The following SRPK1 variants were observed in gnomAD, a reference collection of about 807,000 sequenced individuals.
SRPK1 encodes the protein SRSF protein kinase 1.
A neutral mutation model predicts 89.5 loss-of-function variants in SRPK1; 52 were observed. The ratio of observed to expected loss-of-function variants is 0.58; its 90% CI spans 0.46 to 0.73. The LOEUF (loss-of-function observed/expected upper bound fraction) is 0.73, where lower values mean the gene tolerates loss of function less well. SRPK1 is among the 30% of genes least tolerant of loss of function. The probability of loss-of-function intolerance (pLI) is 0.00; values close to 1 mark genes in which losing one functional copy is unlikely to be tolerated. For synonymous variants in SRPK1, 255 were observed against 270.2 expected (o/e 0.94, Z 0.55); for missense variants, 603 against 780.6 (o/e 0.77, Z 2.71).
intron 6 of SRPK1, among the ~76,000 whole-genome samples, chr6:35,882,368 G>A (rs1036430318): frequency 1.3e-5 from 2 of 151,894 alleles, no homozygotes; most frequent in African/African-American, 4.8e-5. Flanking sequence ...CCACACTGGA[G>A]TACAGTGGCA....
Position 35,833,964 on chromosome 6 carries a change from C to T in SRPK1, c.*1340G>A, listed in dbSNP as rs1769118641. On this transcript the variant is annotated 3_prime_UTR_variant, in exon 16 of 16. Coordinates refer to ENST00000373825, the MANE Select transcript of SRPK1 (RefSeq NM_003137.5). ...CTCTTTTGCTCTTCAGTATTACTTA[C>T]TGGAGGAATATGTAATATTCTAGGT... 1 of 146,254 alleles carries T rather than the reference C, an allele frequency of 6.8e-6. No homozygotes were observed. The highest frequency in any genetic ancestry group is 2.5e-5 in the African/African-American group (1 of 39,284). The allele number at this position is 146,254 out of a possible 1,614,324, so 9.1% of individuals were successfully genotyped here. A position where few individuals can be genotyped will look rare whatever the true frequency, so the allele number is the denominator to read the frequency against.
chr6:35,894,514 TAG>T (rs1770590130), intron 2 of SRPK1, among the ~76,000 whole-genome samples: 1 of 151,926 alleles, frequency 6.6e-6, no homozygotes, highest in Non-Finnish European at 1.5e-5. Flanking sequence ...CTTATGAAAA[TAG>T]AAGAGATAAA....
chr6:35,897,365 A>G (rs1202712308), intron 2 of SRPK1, among the ~76,000 whole-genome samples: 2 of 152,256 alleles, frequency 1.3e-5, no homozygotes, highest in Admixed American at 1.3e-4. Context: ...ATCAAAGAAT[A>G]GCAGTAAGTA....
rs532520830 is a variant in SRPK1, at chr6:35,840,856, T to C, written c.1690+1679A>G. On this transcript the variant is annotated intron_variant, in intron 14 of 15. Transcript: ENST00000373825. ...TGTTTGACCTAAGGACTATTAGTAC[T>C]AACTGGTATAGGATGGAATAAATTA... Among the ~76,000 whole-genome samples the C allele has an allele frequency of 2.6e-5, 4 of 152,314 alleles. No homozygotes were observed. In the South Asian group the frequency reaches 8.3e-4, roughly 32 times the overall value.
At chr6:35,847,237 T>TA (rs1769444624) in intron 13 of SRPK1, among the ~76,000 whole-genome samples, 1 of 152,214 alleles carries the variant, frequency 6.6e-6, no homozygotes, top group Admixed American at 6.5e-5. Flanking sequence ...GATGGAGTCT[T>TA]GCTCTGTCAT....
chr6:35,892,693 A>AACAAC (rs1770548795), intron 2 of SRPK1, among the ~76,000 whole-genome samples: 1 of 69,100 alleles, frequency 1.4e-5, no homozygotes, highest in African/African-American at 4.8e-5. Flanking sequence ...CAACAACGAC[A>AACAAC]ACAACACAAA....
chr6:35,870,787 G>C, intron 9 of SRPK1, 147 bp downstream of exon 9: 1 of 738,054 alleles, frequency 1.4e-6, no homozygotes, highest in South Asian at 2.3e-5. Flanking sequence ...AGGTGCATGG[G>C]AATTTACTGG....
Position 35,874,452 on chromosome 6 carries a change from TAC to T in SRPK1, c.479-115_479-114del, listed in dbSNP as rs1770111039. ...ATTATTTTCTTTCAGTATAAAAAGT[TAC>T]AGAGCTTGAATGAATAAATATGTAG... On this transcript the variant is annotated intron_variant, in intron 6 of 15. Transcript: ENST00000373825. 2.1e-4 allele frequency: 152 copies of T among 740,090 alleles called. 1 individual carries two copies. The South Asian group carries it at 2.3e-3, about 11-fold the overall frequency. The allele number at this position is 740,090 out of a possible 1,614,324, so 45.8% of individuals were successfully genotyped here. A position where few individuals can be genotyped will look rare whatever the true frequency, so the allele number is the denominator to read the frequency against.
chr6:35,903,288 G>C (rs749612841), intron 2 of SRPK1, among the ~76,000 whole-genome samples: 1 of 152,142 alleles, frequency 6.6e-6, no homozygotes, highest in African/African-American at 2.4e-5. Context: ...GGGGTGGGCA[G>C]ATTACCTGAG....
chr6:35,881,875 G>A (rs981107157), intron 6 of SRPK1, among the ~76,000 whole-genome samples: 10 of 151,942 alleles, frequency 6.6e-5, no homozygotes, highest in African/African-American at 2.4e-4. Flanking sequence ...GGCAATAGAG[G>A]ACTTAACACA....
intron 6 of SRPK1, among the ~76,000 whole-genome samples, chr6:35,879,300 A>G (rs1445511591): frequency 1.3e-5 from 2 of 151,420 alleles, no homozygotes; most frequent in Non-Finnish European, 2.9e-5. Context: ...TAATCCCAGC[A>G]CTTCGGGAGG....
chr6:35,875,138 T>C (rs113085880), intron 6 of SRPK1, among the ~76,000 whole-genome samples: 2,425 of 152,122 alleles, frequency 0.016, 26 homozygotes, highest in Middle Eastern at 0.037. Context: ...AAATCCAAGG[T>C]AGGAAAAATA....
intron 7 of SRPK1, among the ~76,000 whole-genome samples, chr6:35,872,947 T>A (rs1433462933): frequency 6.6e-6 from 1 of 152,228 alleles, no homozygotes; most frequent in Non-Finnish European, 1.5e-5. Context: ...TTCAATGTTT[T>A]ACAAAGCTGA....
intron 6 of SRPK1, among the ~76,000 whole-genome samples, chr6:35,878,018 CCAAA>C (rs1200508128): frequency 3.9e-5 from 6 of 152,102 alleles, no homozygotes; most frequent in African/African-American, 9.7e-5. Flanking sequence ...GAAAAATAAT[CCAAA>C]CAAACAAATC....
chr6:35,900,193 T>G (rs1399721468), intron 2 of SRPK1, among the ~76,000 whole-genome samples: 1 of 152,026 alleles, frequency 6.6e-6, no homozygotes, highest in East Asian at 1.9e-4. Context: ...GCTCCAAAAC[T>G]CTGAACAAAC....
At chr6:35,867,979 C>CT (rs574336190) in intron 12 of SRPK1, among the ~76,000 whole-genome samples, 427 of 151,080 alleles carry the variant, frequency 2.8e-3, no homozygotes, top group Non-Finnish European at 4.7e-3. Context: ...CTTTTCTTTT[C>CT]TTTTTTTTTG....
intron 2 of SRPK1, among the ~76,000 whole-genome samples, chr6:35,892,527 C>T (rs1770539231): frequency 6.6e-6 from 1 of 152,096 alleles, no homozygotes. Flanking sequence ...TGGCAGGCAC[C>T]TGTAATCCCA....
chr6:35,833,883 T>A lies in SRPK1; in HGVS notation c.*1421A>T, dbSNP rs1336795405. ...TACAGCCACTTCGAGAACGCTGCAA[T>A]CCCCAAGGCCCACTTGGTCCATGCT... On this transcript the variant is annotated 3_prime_UTR_variant, in exon 16 of 16. Transcript: ENST00000373825. The A allele has an allele frequency of 6.6e-6, 1 of 152,212 alleles. No individual in the cohort carries two copies. The highest frequency in any genetic ancestry group is 1.5e-5 in the Non-Finnish European group (1 of 68,020). The allele number at this position is 152,212 out of a possible 1,614,324, so 9.4% of individuals were successfully genotyped here. A position where few individuals can be genotyped will look rare whatever the true frequency, so the allele number is the denominator to read the frequency against.
chr6:35,904,765 A>G (rs1262777110), intron 2 of SRPK1: 2 of 192,616 alleles, frequency 1.0e-5, no homozygotes, highest in Non-Finnish European at 2.1e-5. Flanking sequence ...AGATCACACC[A>G]TTGCACTTTA....
Sources: gnomAD v4.1 joint callset for allele counts (sites outside exome capture counted in the v4.1 genomes callset) on GRCh38, gnomAD v4.1.1 for gene constraint, MANE v1.5 for transcripts, NCBI Gene and HGNC (gene_info 2026-07-23, HGNC 2026-07-21) for gene names.